PDZRN4: variants seen among roughly 807,000 people sequenced by gnomAD.
The protein encoded by PDZRN4 is PDZ domain-containing RING finger protein 4.
Under a neutral mutation model 99.0 loss-of-function variants are expected in PDZRN4, and 70 were observed. That is an observed-to-expected ratio of 0.71 (90% confidence interval 0.58 to 0.86). The LOEUF (loss-of-function observed/expected upper bound fraction) is 0.86, where lower values mean the gene tolerates loss of function less well. Ranked by LOEUF, PDZRN4 falls within the 40% of genes least tolerant of loss-of-function variation. The pLI, the probability that PDZRN4 is intolerant of heterozygous loss-of-function variation, is 0.00. For missense variants in PDZRN4, 1,474 were observed against 1,331.2 expected (o/e 1.11, Z -1.67); for synonymous variants, 551 against 501.6 (o/e 1.10, Z -1.32).
intron 3 of PDZRN4, among the ~76,000 whole-genome samples, chr12:41,472,530 A>G (rs1953003328): frequency 6.6e-6 from 1 of 152,148 alleles, no homozygotes; most frequent in South Asian, 2.1e-4. Context: ...ATTTTAATTG[A>G]CAATAATTGT....
intron 3 of PDZRN4, among the ~76,000 whole-genome samples, chr12:41,452,925 G>A (rs1287504433): frequency 6.6e-6 from 1 of 151,968 alleles, no homozygotes; most frequent in African/African-American, 2.4e-5. Flanking sequence ...GAAGCCTGGA[G>A]AGTTGTCCCA....
chr12:41,224,343 G>A (rs1159977348), intron 3 of PDZRN4, among the ~76,000 whole-genome samples: 4 of 152,162 alleles, frequency 2.6e-5, no homozygotes, highest in Non-Finnish European at 5.9e-5. Context: ...GCTAAAGTGT[G>A]ACATGTTATG....
chr12:41,403,688 G>T (rs1280797447), intron 3 of PDZRN4, among the ~76,000 whole-genome samples: 1 of 152,106 alleles, frequency 6.6e-6, no homozygotes, highest in East Asian at 1.9e-4. Context: ...TCATGAGATT[G>T]TTTTTCTGAC....
intron 3 of PDZRN4, among the ~76,000 whole-genome samples, chr12:41,380,486 T>C (rs983192769): frequency 2.6e-5 from 4 of 152,062 alleles, no homozygotes; most frequent in Admixed American, 6.6e-5. Context: ...TCCTTTCTGT[T>C]AAACCTTTCT....
intron 3 of PDZRN4, among the ~76,000 whole-genome samples, chr12:41,465,125 G>A (rs566627603): frequency 7.9e-5 from 12 of 152,062 alleles, no homozygotes; most frequent in South Asian, 6.2e-4. Context: ...GCACCTGTCC[G>A]CCTTTTGTAC....
At chr12:41,297,443 G>A (rs887938006) in intron 3 of PDZRN4, among the ~76,000 whole-genome samples, 2 of 152,164 alleles carry the variant, frequency 1.3e-5, no homozygotes, top group Non-Finnish European at 2.9e-5. Flanking sequence ...TTCACTATGT[G>A]TCCACAGGAG....
chr12:41,424,134 T>C (rs1952514531), intron 3 of PDZRN4, among the ~76,000 whole-genome samples: 2 of 152,218 alleles, frequency 1.3e-5, no homozygotes, highest in African/African-American at 2.4e-5. Context: ...TGAAAAAATA[T>C]TTATTGCTTG....
At chr12:41,319,475 C>G (rs1353244939) in intron 3 of PDZRN4, among the ~76,000 whole-genome samples, 1 of 152,122 alleles carries the variant, frequency 6.6e-6, no homozygotes, top group African/African-American at 2.4e-5. Context: ...CCTCCCTCAT[C>G]ATTCTGCACA....
intron 7 of PDZRN4, among the ~76,000 whole-genome samples, chr12:41,561,462 A>G (rs1939268195): frequency 6.6e-6 from 1 of 151,618 alleles, no homozygotes; most frequent in Non-Finnish European, 1.5e-5. Flanking sequence ...CACTATTATT[A>G]TATGCATTTT....
At chr12:41,223,911 G>A (rs1268382542) in intron 3 of PDZRN4, among the ~76,000 whole-genome samples, 2 of 152,208 alleles carry the variant, frequency 1.3e-5, no homozygotes, top group East Asian at 3.9e-4. Context: ...GGAGTGGAAA[G>A]GTACAGAATC....
At chr12:41,496,954 C>G (rs1474909883) in intron 3 of PDZRN4, among the ~76,000 whole-genome samples, 2 of 152,112 alleles carry the variant, frequency 1.3e-5, no homozygotes, top group African/African-American at 2.4e-5. Flanking sequence ...TAATGAACCT[C>G]TGGTGAAGAT....
chr12:41,305,463 T>C (rs1565546929), intron 3 of PDZRN4, among the ~76,000 whole-genome samples: 1 of 152,204 alleles, frequency 6.6e-6, no homozygotes, highest in African/African-American at 2.4e-5. Flanking sequence ...TGATGTGTAT[T>C]TCTCACAATG....
chr12:41,488,740 C>G (rs879265732), intron 3 of PDZRN4, among the ~76,000 whole-genome samples: 6 of 152,116 alleles, frequency 3.9e-5, no homozygotes, highest in Non-Finnish European at 7.4e-5. Flanking sequence ...AGATATAATC[C>G]AAGTCAATTT....
chr12:41,268,124 T>TA (rs397974117), intron 3 of PDZRN4, among the ~76,000 whole-genome samples: 5 of 152,066 alleles, frequency 3.3e-5, no homozygotes, highest in African/African-American at 7.2e-5. Flanking sequence ...GCATTTTTTT[T>TA]ATTTTTAACT....
chr12:41,407,981 T>G (rs879296063), intron 3 of PDZRN4, among the ~76,000 whole-genome samples: 1 of 152,250 alleles, frequency 6.6e-6, no homozygotes, highest in Non-Finnish European at 1.5e-5. Flanking sequence ...ATTAAAATTC[T>G]TAAACATGCA....
intron 3 of PDZRN4, among the ~76,000 whole-genome samples, chr12:41,421,270 C>T (rs111701479): frequency 6.6e-6 from 1 of 152,116 alleles, no homozygotes; most frequent in East Asian, 1.9e-4. Flanking sequence ...ATGATCTCAG[C>T]TCACTGCAAC....
chr12:41,410,807 C>T (rs1051992944), intron 3 of PDZRN4, among the ~76,000 whole-genome samples: 1 of 152,026 alleles, frequency 6.6e-6, no homozygotes, highest in Non-Finnish European at 1.5e-5. Context: ...CCGTTGGGTG[C>T]AGAGATACCT....
chr12:41,459,874 T>C, intron 3 of PDZRN4: 1 of 1,129,332 alleles, frequency 8.9e-7, no homozygotes, highest in Non-Finnish European at 1.1e-6. Context: ...AACATTAGTT[T>C]AAAAAAAATG....
At position 41,408,337 on chromosome 12, in the gene PDZRN4, A is replaced by G. The variant is rs189935487; in HGVS notation, c.844-98119A>G. On this transcript the variant is annotated intron_variant, in intron 3 of 9. Coordinates refer to ENST00000402685, the MANE Select transcript of PDZRN4 (RefSeq NM_001164595.2). Reference sequence around the variant, plus strand: ...AAACAGAACGATAAAGATGTTTGTAAATTGCTTTCCTTTTAGCACAACAGG... The same window carrying G: ...AAACAGAACGATAAAGATGTTTGTAGATTGCTTTCCTTTTAGCACAACAGG... 7.0e-4 allele frequency among the ~76,000 whole-genome samples: 106 copies of G among 152,342 alleles called. 3 individuals carry two copies. Among genetic ancestry groups the G allele is most frequent in the African/African-American group, 2.0e-3 (83 of 41,588 alleles).
Sources: gnomAD v4.1 joint callset for allele counts (sites outside exome capture counted in the v4.1 genomes callset) on GRCh38, gnomAD v4.1.1 for gene constraint, MANE v1.5 for transcripts, NCBI Gene and HGNC (gene_info 2026-07-23, HGNC 2026-07-21) for gene names.